TRHDE: variants seen among roughly 807,000 people sequenced by gnomAD.
TRHDE encodes the protein thyrotropin-releasing hormone-degrading ectoenzyme.
TRHDE carries 72 observed loss-of-function variants against 125.7 expected under a neutral mutation model. That is an observed-to-expected ratio of 0.57 (90% confidence interval 0.47 to 0.70). The LOEUF (loss-of-function observed/expected upper bound fraction) is 0.70. Ranked by LOEUF, TRHDE falls within the 30% of genes least tolerant of loss-of-function variation. The probability of loss-of-function intolerance (pLI) is 0.00; values close to 1 mark genes in which losing one functional copy is unlikely to be tolerated. For synonymous variants in TRHDE, 509 were observed against 509.1 expected (o/e 1.00, Z 0.00); for missense variants, 1,110 against 1,327.1 (o/e 0.84, Z 2.54).
chr12:72,104,221 A>C (rs1875131381), intron 1 of TRHDE, among the ~76,000 whole-genome samples: 1 of 152,150 alleles, frequency 6.6e-6, no homozygotes, highest in South Asian at 2.1e-4. Flanking sequence ...GGTCCATAGC[A>C]TTTGCTCAGT....
At chr12:72,133,586 T>C (rs1160889851) in intron 2 of TRHDE, among the ~76,000 whole-genome samples, 1 of 152,202 alleles carries the variant, frequency 6.6e-6, no homozygotes, top group East Asian at 1.9e-4. Flanking sequence ...AATTTCAAGA[T>C]GGACTAAAAT....
chr12:72,299,054 A>G (rs1880408925), intron 2 of TRHDE, among the ~76,000 whole-genome samples: 1 of 152,194 alleles, frequency 6.6e-6, no homozygotes, highest in South Asian at 2.1e-4. Context: ...ACAAAATTAT[A>G]TTCTAAAGGT....
chr12:72,614,320 A>ATG (rs1565810559), intron 12 of TRHDE, among the ~76,000 whole-genome samples: 1 of 31,604 alleles, frequency 3.2e-5, no homozygotes, highest in East Asian at 5.2e-4. Context: ...ATGTATATAT[A>ATG]TATATATATA....
At chr12:72,247,097 C>G (rs553505929) in intron 2 of TRHDE, among the ~76,000 whole-genome samples, 1 of 152,174 alleles carries the variant, frequency 6.6e-6, no homozygotes, top group South Asian at 2.1e-4. Context: ...TTCTCAAGTC[C>G]CTTATATAAA....
At chr12:72,329,511 G>A (rs897172141) in intron 2 of TRHDE, among the ~76,000 whole-genome samples, 8 of 152,154 alleles carry the variant, frequency 5.3e-5, no homozygotes, top group Non-Finnish European at 4.4e-5. Context: ...AGTCTTTAAA[G>A]TGGGTGTTGT....
chr12:72,336,515 C>G (rs1302271594), intron 2 of TRHDE, among the ~76,000 whole-genome samples: 1 of 152,080 alleles, frequency 6.6e-6, no homozygotes, highest in African/African-American at 2.4e-5. Context: ...TCTGTCTTCC[C>G]CAAGAAACAG....
At chr12:72,094,859 T>A (rs543990892) in intron 1 of TRHDE, among the ~76,000 whole-genome samples, 12 of 152,312 alleles carry the variant, frequency 7.9e-5, no homozygotes, top group African/African-American at 2.9e-4. Context: ...TCCTCAGTCA[T>A]AGGTTCCGCC....
intron 2 of TRHDE, among the ~76,000 whole-genome samples, chr12:72,248,767 C>T (rs543241781): frequency 1.3e-3 from 194 of 152,300 alleles, no homozygotes; most frequent in African/African-American, 4.6e-3. Flanking sequence ...AGGTGGAATT[C>T]TTGAAGAGCG....
intron 3 of TRHDE, among the ~76,000 whole-genome samples, chr12:72,420,690 A>G (rs1873915852): frequency 2.0e-5 from 3 of 152,170 alleles, no homozygotes; most frequent in South Asian, 4.1e-4. Context: ...AATCATATAG[A>G]CTGACCACAC....
At chr12:72,187,446 G>GT (rs1373889087) in intron 2 of TRHDE, among the ~76,000 whole-genome samples, 1 of 148,650 alleles carries the variant, frequency 6.7e-6, no homozygotes, top group African/African-American at 2.5e-5. Context: ...GAGGTGGGGG[G>GT]GGTGGTGGTG....
chr12:72,166,105 C>T (rs1296570950), intron 2 of TRHDE, among the ~76,000 whole-genome samples: 1 of 152,150 alleles, frequency 6.6e-6, no homozygotes, highest in Non-Finnish European at 1.5e-5. Flanking sequence ...TCCTAGGCTA[C>T]AAACCCGTAC....
chr12:72,473,184 A>G lies in TRHDE; in HGVS notation c.1584+4A>G. The G allele has an allele frequency of 6.2e-7, 1 of 1,608,464 alleles. No homozygotes were observed. Among genetic ancestry groups the G allele is most frequent in the Non-Finnish European group, 8.5e-7 (1 of 1,175,104 alleles). On this transcript the variant is annotated splice_donor_region_variant and intron_variant, in intron 5 of 18. Transcript: ENST00000261180. ...CCTCTATCCTGGCTGGAACATGGTA[A>G]GTGCACTTGAATTATTTGAAACTTT... is the stretch of plus-strand genomic sequence containing the variant.
intron 2 of TRHDE, among the ~76,000 whole-genome samples, chr12:72,350,211 A>C (rs191785512): frequency 6.6e-6 from 1 of 152,122 alleles, no homozygotes; most frequent in East Asian, 1.9e-4. Flanking sequence ...TGATGTATTC[A>C]ATCTTGTACC....
chr12:72,448,969 TTCAG>T (rs1450246799), intron 3 of TRHDE, among the ~76,000 whole-genome samples: 1 of 152,010 alleles, frequency 6.6e-6, no homozygotes, highest in African/African-American at 2.4e-5. Context: ...TGCTGTTATA[TTCAG>T]TCAGAGTGGA....
rs368234690 is a variant in TRHDE at position 72,127,805 on chromosome 12, T to G, written n.279+22053T>G. Among the ~76,000 whole-genome samples, 3 of 152,018 alleles carry G rather than the reference T, an allele frequency of 2.0e-5. No homozygotes were observed. The South Asian group carries it at 6.2e-4, about 32-fold the overall frequency. ...CGTACATAACAAACTTGCATACATA[T>G]CTCCTGAGTCTAAAATAAAATTTGA... On this transcript the variant is annotated intron_variant and non_coding_transcript_variant, in intron 2 of 4. Transcript: ENST00000548156.
At chr12:72,241,631 T>A (rs1055715391) in intron 2 of TRHDE, among the ~76,000 whole-genome samples, 2 of 152,216 alleles carry the variant, frequency 1.3e-5, no homozygotes, top group Non-Finnish European at 2.9e-5. Flanking sequence ...GTGTGAGTTT[T>A]TGTATGAGCA....
chr12:72,308,373 T>A (rs1380774307), intron 2 of TRHDE, among the ~76,000 whole-genome samples: 1 of 152,180 alleles, frequency 6.6e-6, no homozygotes, highest in Non-Finnish European at 1.5e-5. Flanking sequence ...AGTGGATGTG[T>A]GTGGCATAGA....
At chr12:72,394,418 G>A (rs1450115566) in intron 3 of TRHDE, among the ~76,000 whole-genome samples, 1 of 152,110 alleles carries the variant, frequency 6.6e-6, no homozygotes, top group Non-Finnish European at 1.5e-5. Flanking sequence ...GCCTTCCCCA[G>A]AGAGATGATT....
intron 12 of TRHDE, among the ~76,000 whole-genome samples, chr12:72,581,692 A>C (rs549144596): frequency 1.3e-5 from 2 of 152,308 alleles, no homozygotes; most frequent in South Asian, 4.1e-4. Context: ...ATGAGGGCAA[A>C]TTATTTTTAG....
Sources: allele counts gnomAD v4.1 joint callset (sites outside exome capture counted in the v4.1 genomes callset), GRCh38; gene constraint gnomAD v4.1.1; transcripts MANE v1.5; gene names NCBI Gene and HGNC (gene_info 2026-07-23, HGNC 2026-07-21).